Variants in ERC2 observed in about 807,000 individuals in gnomAD.
ERC2 encodes ELKS/RAB6-interacting/CAST family member 2.
In ERC2, 42 loss-of-function variants were observed where a neutral mutation model predicts 114.8. That is an observed-to-expected ratio of 0.37 (90% CI 0.29 to 0.47). The LOEUF (loss-of-function observed/expected upper bound fraction) is 0.47. ERC2 is among the 20% of genes least tolerant of loss of function. The probability of loss-of-function intolerance (pLI) is 0.99; values close to 1 mark genes in which losing one functional copy is unlikely to be tolerated. For synonymous variants in ERC2, 454 were observed against 425.5 expected (o/e 1.07, Z -0.82); for missense variants, 939 against 1,150.7 (o/e 0.82, Z 2.66).
At chr3:56,257,436 A>T (rs902436191) in intron 3 of ERC2, among the ~76,000 whole-genome samples, 2 of 152,234 alleles carry the variant, frequency 1.3e-5, no homozygotes, top group Non-Finnish European at 2.9e-5. Flanking sequence ...ACTTACGTCA[A>T]ACCAAACAGC....
chr3:56,083,265 T>C (rs955042696), intron 6 of ERC2, among the ~76,000 whole-genome samples: 1 of 152,158 alleles, frequency 6.6e-6, no homozygotes, highest in Non-Finnish European at 1.5e-5. Context: ...TAGGTGAATC[T>C]CAAAAGCACC....
At chr3:56,263,713 G>C (rs2053099229) in intron 3 of ERC2, among the ~76,000 whole-genome samples, 1 of 152,118 alleles carries the variant, frequency 6.6e-6, no homozygotes, top group Non-Finnish European at 1.5e-5. Flanking sequence ...TGGCTTCACT[G>C]CTGAATTCTA....
chr3:55,890,766 A>G (rs1005625089), intron 13 of ERC2, among the ~76,000 whole-genome samples: 1 of 152,182 alleles, frequency 6.6e-6, no homozygotes, highest in African/African-American at 2.4e-5. Context: ...TCCTCTCAAC[A>G]TCTTGGAGAC....
intron 14 of ERC2, among the ~76,000 whole-genome samples, chr3:55,807,395 T>A (rs2059533218): frequency 6.6e-6 from 1 of 152,204 alleles, no homozygotes; most frequent in South Asian, 2.1e-4. Context: ...CCTTCCTGAA[T>A]GCAAAATAGG....
intron 14 of ERC2, among the ~76,000 whole-genome samples, chr3:55,819,109 A>G (rs2060015855): frequency 6.6e-6 from 1 of 152,218 alleles, no homozygotes; most frequent in Admixed American, 6.5e-5. Context: ...ATGCATTCAA[A>G]TAAACATCTT....
chr3:55,997,097 A>G (rs964628273), intron 10 of ERC2, among the ~76,000 whole-genome samples: 1 of 152,214 alleles, frequency 6.6e-6, no homozygotes, highest in Non-Finnish European at 1.5e-5. Flanking sequence ...CAATTATTAC[A>G]TTATATAACA....
intron 12 of ERC2, among the ~76,000 whole-genome samples, chr3:55,954,667 T>C (rs1242219732): frequency 3.9e-5 from 6 of 152,254 alleles, no homozygotes; most frequent in Non-Finnish European, 7.3e-5. Flanking sequence ...AGATTGGTAA[T>C]ATTCATTGTT....
chr3:55,625,169 A>C (rs548203675), intron 17 of ERC2, among the ~76,000 whole-genome samples: 2 of 151,738 alleles, frequency 1.3e-5, no homozygotes, highest in East Asian at 3.9e-4. Flanking sequence ...GGAGTTCGAG[A>C]TCAGCCTGGC....
intron 12 of ERC2, among the ~76,000 whole-genome samples, chr3:55,952,162 C>T (rs867233413): frequency 8.0e-5 from 5 of 62,484 alleles, no homozygotes; most frequent in South Asian, 5.8e-4. Flanking sequence ...CACACACACA[C>T]ACACACACAC....
Position 56,010,438 on chromosome 3 carries a change from T to C in ERC2, c.1920+11A>G, listed in dbSNP as rs2072832153. Reference sequence around the variant, plus strand: ...ACTATCAATGTGGTTCATTTGTTTTTCCAGACTCACCTCTTTCTCAGTCAG... The same window carrying C: ...ACTATCAATGTGGTTCATTTGTTTTCCCAGACTCACCTCTTTCTCAGTCAG... On this transcript the variant is annotated intron_variant, in intron 9 of 17. Coordinates refer to ENST00000288221, the MANE Select transcript of ERC2 (RefSeq NM_015576.3). 2 of 1,611,866 alleles carry C rather than the reference T, an allele frequency of 1.2e-6. No homozygotes were observed. The highest frequency in any genetic ancestry group is 2.7e-5 in the African/African-American group (2 of 74,844).
intron 17 of ERC2, among the ~76,000 whole-genome samples, chr3:55,646,526 C>T (rs1412487056): frequency 6.6e-6 from 1 of 152,146 alleles, no homozygotes; most frequent in Non-Finnish European, 1.5e-5. Flanking sequence ...AGAGGGTTGT[C>T]ACTTAGTAAA....
rs747696056 is a variant in ERC2 at position 56,266,131 on chromosome 3, A to ATTT, written c.1074+29885_1074+29887dup. Among the ~76,000 whole-genome samples the ATTT allele has an allele frequency of 7.5e-4, 84 of 112,276 alleles. 8 individuals are homozygous for ATTT. Among genetic ancestry groups the ATTT allele is most frequent in the Admixed American group, 1.9e-3 (19 of 10,020 alleles). 73.7% of individuals were successfully genotyped at this position (112,276 alleles called of 152,430 possible). ...CAAAAACAAAAACACAAATAACTAG[A>ATTT]TTTTTTTTTTTTTTTTTGAGACGGA... On this transcript the variant is annotated intron_variant, in intron 3 of 17. Transcript: ENST00000288221.
intron 6 of ERC2, among the ~76,000 whole-genome samples, chr3:56,090,098 T>C (rs1442276187): frequency 6.6e-6 from 1 of 152,226 alleles, no homozygotes; most frequent in African/African-American, 2.4e-5. Flanking sequence ...TTCTGGATTC[T>C]TGATGAAATA....
At chr3:55,830,321 G>GATGTTAA (rs2149181420) in intron 14 of ERC2, among the ~76,000 whole-genome samples, 1 of 152,296 alleles carries the variant, frequency 6.6e-6, no homozygotes, top group South Asian at 2.1e-4. Context: ...CTAAAAAAAT[G>GATGTTAA]ATGTTAAAAA....
intron 17 of ERC2, among the ~76,000 whole-genome samples, chr3:55,635,289 C>T (rs1332204293): frequency 6.6e-6 from 1 of 152,236 alleles, no homozygotes; most frequent in Non-Finnish European, 1.5e-5. Context: ...TCCAAGATCT[C>T]TGTCAGGTTG....
chr3:55,515,733 G>GT lies in ERC2; in HGVS notation c.*40-4458dup, dbSNP rs543911696. ...GCGGGGTGGGTGACTGAGCACAGCA[G>GT]TAAGATTCCGCCCCAGGACAGACGC... is the stretch of plus-strand genomic sequence containing the variant. On this transcript the variant is annotated intron_variant, in intron 17 of 17. Coordinates refer to ENST00000288221, the MANE Select transcript of ERC2 (RefSeq NM_015576.3). Among the ~76,000 whole-genome samples the GT allele has an allele frequency of 8.5e-5, 13 of 152,220 alleles. No individual in the cohort carries two copies. In the South Asian group the frequency reaches 2.7e-3, roughly 32 times the overall value.
intron 2 of ERC2, among the ~76,000 whole-genome samples, chr3:56,419,031 A>G (rs769161863): frequency 7.2e-5 from 11 of 152,198 alleles, no homozygotes; most frequent in Non-Finnish European, 1.3e-4. Flanking sequence ...AACCAACAAG[A>G]TATATCACTG....
At chr3:55,689,968 A>G (rs2062555428) in intron 16 of ERC2, among the ~76,000 whole-genome samples, 1 of 152,230 alleles carries the variant, frequency 6.6e-6, no homozygotes, top group South Asian at 2.1e-4. Flanking sequence ...CCCTGTTGGT[A>G]GCATTAAGAG....
intron 17 of ERC2, among the ~76,000 whole-genome samples, chr3:55,602,435 G>A (rs1338936717): frequency 6.6e-6 from 1 of 152,210 alleles, no homozygotes; most frequent in Non-Finnish European, 1.5e-5. Flanking sequence ...ATCTCAGACA[G>A]AGGCACCATA....
Sources: gnomAD v4.1 joint callset for allele counts (sites outside exome capture counted in the v4.1 genomes callset) on GRCh38, gnomAD v4.1.1 for gene constraint, MANE v1.5 for transcripts, NCBI Gene and HGNC (gene_info 2026-07-23, HGNC 2026-07-21) for gene names.